Variants in RIT2 observed in about 807,000 individuals in gnomAD.
RIT2 encodes GTP-binding protein Rit2.
A neutral mutation model predicts 23.7 loss-of-function variants in RIT2; 24 were observed. The ratio of observed to expected loss-of-function variants is 1.01; its 90% CI spans 0.73 to 1.43. The LOEUF is 1.43. RIT2 is among the 40% of genes most tolerant of loss of function. The pLI, the probability that RIT2 is intolerant of heterozygous loss-of-function variation, is 0.00. For missense variants in RIT2, 236 were observed against 266.9 expected, an observed-to-expected ratio of 0.88 and a Z score of 0.81; for synonymous variants, 107 against 91.1, an observed-to-expected ratio of 1.17 and a Z score of -0.99.
intron 4 of RIT2, among the ~76,000 whole-genome samples, chr18:42,753,864 A>G (rs1913102517): frequency 6.6e-6 from 1 of 152,168 alleles, no homozygotes; most frequent in African/African-American, 2.4e-5. Context: ...TACGAGAGTT[A>G]CTTTAAAAAA....
chr18:42,994,653 C>T (rs956304079), intron 2 of RIT2, among the ~76,000 whole-genome samples: 2 of 152,118 alleles, frequency 1.3e-5, no homozygotes, highest in Admixed American at 6.5e-5. Flanking sequence ...AGAATTCTTA[C>T]ACAAGGACCG....
chr18:42,749,759 C>T (rs1913002910), intron 4 of RIT2, among the ~76,000 whole-genome samples: 1 of 151,728 alleles, frequency 6.6e-6, no homozygotes, highest in African/African-American at 2.4e-5. Context: ...AGCTTACACA[C>T]AAAAATAGAA....
chr18:43,087,004 CT>C (rs1913299134), intron 1 of RIT2, among the ~76,000 whole-genome samples: 1 of 152,040 alleles, frequency 6.6e-6, no homozygotes. Context: ...AATCATAGCC[CT>C]TTGGGAGGCT....
At chr18:42,952,297 A>G (rs766890846) in intron 3 of RIT2, among the ~76,000 whole-genome samples, 6 of 152,168 alleles carry the variant, frequency 3.9e-5, no homozygotes, top group African/African-American at 1.2e-4. Context: ...CAAATACCAT[A>G]TGATACCACT....
intron 4 of RIT2, among the ~76,000 whole-genome samples, chr18:42,899,100 C>A (rs1054788529): frequency 2.0e-5 from 3 of 151,882 alleles, no homozygotes; most frequent in Non-Finnish European, 4.4e-5. Context: ...ATCAAACATT[C>A]ACACAATAGT....
intron 1 of RIT2, among the ~76,000 whole-genome samples, chr18:43,102,716 T>C (rs1303105481): frequency 2.6e-5 from 4 of 152,000 alleles, no homozygotes; most frequent in African/African-American, 9.7e-5. Flanking sequence ...TGCAGTGGCA[T>C]GATCTCGGCT....
At chr18:42,882,784 G>A (rs1345078717) in intron 4 of RIT2, among the ~76,000 whole-genome samples, 1 of 152,144 alleles carries the variant, frequency 6.6e-6, no homozygotes, top group African/African-American at 2.4e-5. Context: ...GCTCTATTTG[G>A]ATGATTTCCT....
At chr18:42,760,126 T>C (rs1375801137) in intron 4 of RIT2, among the ~76,000 whole-genome samples, 2 of 152,204 alleles carry the variant, frequency 1.3e-5, no homozygotes, top group Non-Finnish European at 1.5e-5. Context: ...ATAGAATATA[T>C]GTCTCCAAGT....
intron 3 of RIT2, among the ~76,000 whole-genome samples, chr18:42,929,868 G>C (rs1268571018): frequency 6.6e-6 from 1 of 152,098 alleles, no homozygotes; most frequent in Non-Finnish European, 1.5e-5. Context: ...AGGTGCCCCA[G>C]AGAGAACACT....
In RIT2 at chr18:42,775,492, C is replaced by T. The variant is rs192750868; in HGVS notation, c.427-31772G>A. Among the ~76,000 whole-genome samples, 3 of 151,894 alleles carry T rather than the reference C, an allele frequency of 2.0e-5. No homozygotes were observed. The East Asian group carries it at 5.8e-4, about 29-fold the overall frequency. On this transcript the variant is annotated intron_variant, in intron 4 of 4. Coordinates refer to ENST00000326695, the MANE Select transcript of RIT2 (RefSeq NM_002930.4). ...CAGGCGGATCACAAGGTCAGGAGAT[C>T]GAGACCATCTTGGCTAACATGGTGA...
chr18:42,929,346 T>C (rs1220951145), intron 3 of RIT2, among the ~76,000 whole-genome samples: 1 of 152,038 alleles, frequency 6.6e-6, no homozygotes, highest in Non-Finnish European at 1.5e-5. Context: ...TAACCTGTAA[T>C]TGTGGTTTTC....
intron 1 of RIT2, among the ~76,000 whole-genome samples, chr18:43,058,694 C>G (rs1367319705): frequency 1.3e-5 from 2 of 151,982 alleles, no homozygotes; most frequent in African/African-American, 4.8e-5. Context: ...CGAGACCAGC[C>G]TGGGCAACAT....
chr18:43,065,432 A>T (rs1367343859), intron 1 of RIT2, among the ~76,000 whole-genome samples: 2 of 151,840 alleles, frequency 1.3e-5, no homozygotes, highest in Non-Finnish European at 2.9e-5. Context: ...AAGGTAAATC[A>T]CAAAATAGCA....
At chr18:43,057,411 T>C (rs1315803697) in intron 1 of RIT2, among the ~76,000 whole-genome samples, 1 of 152,144 alleles carries the variant, frequency 6.6e-6, no homozygotes, top group Admixed American at 6.6e-5. Flanking sequence ...ATCTCCAGGA[T>C]TTTCATTCCA....
At chr18:42,755,048 GA>G (rs1913129505) in intron 4 of RIT2, among the ~76,000 whole-genome samples, 1 of 152,048 alleles carries the variant, frequency 6.6e-6, no homozygotes, top group South Asian at 2.1e-4. Context: ...CTCCTTCATA[GA>G]ATTGGTAATA....
At chr18:42,804,848 C>G in intron 4 of RIT2, among the ~76,000 whole-genome samples, 1 of 152,124 alleles carries the variant, frequency 6.6e-6, no homozygotes. Flanking sequence ...TTGTAATTCT[C>G]TGTTTTCCTA....
intron 3 of RIT2, among the ~76,000 whole-genome samples, chr18:42,963,009 T>C (rs1910127376): frequency 6.6e-6 from 1 of 152,170 alleles, no homozygotes; most frequent in African/African-American, 2.4e-5. Context: ...CTCATTAAAG[T>C]CAAAATCAGC....
intron 2 of RIT2, among the ~76,000 whole-genome samples, chr18:43,005,411 A>G (rs1281069566): frequency 6.6e-6 from 1 of 151,826 alleles, no homozygotes; most frequent in Non-Finnish European, 1.5e-5. Context: ...AGATTAGAAG[A>G]CCATGTTTTG....
intron 4 of RIT2, among the ~76,000 whole-genome samples, chr18:42,800,180 A>G (rs1482080871): frequency 6.6e-6 from 1 of 152,214 alleles, no homozygotes; most frequent in Non-Finnish European, 1.5e-5. Context: ...TCCTGTGAAT[A>G]GGACTACAAA....
Sources: allele counts gnomAD v4.1 joint callset (sites outside exome capture counted in the v4.1 genomes callset), GRCh38; gene constraint gnomAD v4.1.1; transcripts MANE v1.5; gene names NCBI Gene and HGNC (gene_info 2026-07-23, HGNC 2026-07-21).